PICALM: variants seen among roughly 807,000 people sequenced by gnomAD.
PICALM encodes phosphatidylinositol-binding clathrin assembly protein.
Under a neutral mutation model 80.5 loss-of-function variants are expected in PICALM, and 40 were observed. The ratio of observed to expected loss-of-function variants is 0.50; its 90% CI spans 0.39 to 0.65. The LOEUF (loss-of-function observed/expected upper bound fraction) is 0.65, where lower values mean the gene tolerates loss of function less well. PICALM is among the 30% of genes least tolerant of loss of function. The probability of loss-of-function intolerance (pLI) is 0.00; values close to 1 mark genes in which losing one functional copy is unlikely to be tolerated. For synonymous variants in PICALM, 288 were observed against 260.3 expected, an observed-to-expected ratio of 1.11 and a Z score of -1.02; for missense variants, 676 against 778.9, an observed-to-expected ratio of 0.87 and a Z score of 1.57.
intron 19 of PICALM, among the ~76,000 whole-genome samples, chr11:85,961,426 T>C (rs1308668482): frequency 6.6e-6 from 1 of 152,232 alleles, no homozygotes; most frequent in Non-Finnish European, 1.5e-5. Flanking sequence ...CTTAAGATCT[T>C]TGATTCTGCT....
chr11:86,023,316 T>C (rs1188040799), intron 3 of PICALM: 2 of 306,496 alleles, frequency 6.5e-6, no homozygotes, highest in African/African-American at 2.3e-5. Flanking sequence ...ACCAGTTCAT[T>C]TATTTAGCAA....
At chr11:85,977,732 A>G (rs1207168897) in intron 17 of PICALM, among the ~76,000 whole-genome samples, 2 of 152,252 alleles carry the variant, frequency 1.3e-5, no homozygotes. Context: ...GTAAGATTTC[A>G]TGCAGTTGTT....
At chr11:86,026,183 A>G (rs1030557523) in intron 3 of PICALM, 109 bp downstream of exon 3, 35 of 642,234 alleles carry the variant, frequency 5.4e-5, no homozygotes, top group Non-Finnish European at 9.2e-5. Context: ...CTTCACTAAA[A>G]TATAAGGTTT....
At chr11:86,021,428 G>A (rs571999242) in intron 4 of PICALM, among the ~76,000 whole-genome samples, 3 of 150,524 alleles carry the variant, frequency 2.0e-5, no homozygotes, top group Admixed American at 2.0e-4. Context: ...AATATCATTA[G>A]CCATCAGGGA....
chr11:86,023,681 T>G (rs762916517), intron 3 of PICALM: 2 of 456,932 alleles, frequency 4.4e-6, no homozygotes, highest in Middle Eastern at 1.1e-3. Flanking sequence ...AGAGCACTGC[T>G]CTGCATCTTG....
chr11:86,047,617 C>T (rs2096096990), intron 1 of PICALM, among the ~76,000 whole-genome samples: 2 of 152,154 alleles, frequency 1.3e-5, no homozygotes, highest in African/African-American at 2.4e-5. Flanking sequence ...GATGTAATTA[C>T]TATCAATTCT....
rs2095550228 is a variant in PICALM at position 86,020,738 on chromosome 11, T to C, written c.452+1629A>G. 2.6e-5 allele frequency among the ~76,000 whole-genome samples: 4 copies of C among 152,074 alleles called. No homozygotes were observed. In the South Asian group the frequency reaches 8.3e-4, roughly 32 times the overall value. ...ACCATATACAAAAGTTAATTCCAAA[T>C]AGATAAGAACCTAACTATATGGGCA... On this transcript the variant is annotated intron_variant, in intron 4 of 19. Transcript: ENST00000393346.
At chr11:86,052,004 G>A (rs1486061209) in intron 1 of PICALM, among the ~76,000 whole-genome samples, 1 of 152,192 alleles carries the variant, frequency 6.6e-6, no homozygotes, top group Non-Finnish European at 1.5e-5. Context: ...TTTCCTTAAA[G>A]GTTAGCTATT....
At chr11:85,977,761 A>G (rs1334613028) in intron 17 of PICALM, among the ~76,000 whole-genome samples, 1 of 152,224 alleles carries the variant, frequency 6.6e-6, no homozygotes, top group Non-Finnish European at 1.5e-5. Flanking sequence ...CATTACCACA[A>G]TCAACATTTC....
At chr11:86,031,035 T>C (rs1031599333) in intron 2 of PICALM, among the ~76,000 whole-genome samples, 3 of 152,184 alleles carry the variant, frequency 2.0e-5, no homozygotes, top group African/African-American at 4.8e-5. Flanking sequence ...GGAAGGTCCC[T>C]TGAGCCCAGG....
intron 8 of PICALM, among the ~76,000 whole-genome samples, chr11:86,005,319 T>A (rs1033343928): frequency 6.6e-6 from 1 of 152,226 alleles, no homozygotes; most frequent in Admixed American, 6.5e-5. Context: ...AATATTAAAC[T>A]ACCAAGTTAT....
intron 12 of PICALM, 49 bp downstream of exon 12, chr11:85,996,777 A>C (rs1196067145): frequency 9.7e-7 from 1 of 1,027,194 alleles, no homozygotes; most frequent in African/African-American, 1.6e-5. Flanking sequence ...CCACAGAATG[A>C]GGAGGAGAGA....
At chr11:86,023,924 G>A (rs1230146243) in intron 3 of PICALM, among the ~76,000 whole-genome samples, 1 of 152,036 alleles carries the variant, frequency 6.6e-6, no homozygotes, top group African/African-American at 2.4e-5. Context: ...AAGAGTTCAA[G>A]ACCAACCTGG....
At chr11:85,980,119 A>G (rs2094397593) in intron 17 of PICALM, among the ~76,000 whole-genome samples, 1 of 152,232 alleles carries the variant, frequency 6.6e-6, no homozygotes, top group South Asian at 2.1e-4. Context: ...TGGTGCTTTC[A>G]AGGCCATTCA....
intron 5 of PICALM, among the ~76,000 whole-genome samples, chr11:86,013,052 A>G (rs1808392261): frequency 6.6e-6 from 1 of 152,244 alleles, no homozygotes; most frequent in South Asian, 2.1e-4. Flanking sequence ...CTGTGGTCCC[A>G]GCACTTTGTG....
intron 13 of PICALM, among the ~76,000 whole-genome samples, chr11:85,988,933 T>C (rs528624352): frequency 6.6e-6 from 1 of 152,258 alleles, no homozygotes; most frequent in South Asian, 2.1e-4. Context: ...TGTCCTCTAA[T>C]GTGTGGTTTT....
rs183481144 is a variant in PICALM at position 86,008,541 on chromosome 11, A to G, written c.766-958T>C. ...AGGCTGAAGCAGGAGAATCGTTTGA[A>G]CCCGGGAGGTAGAGGGTGCAGTGAG... On this transcript the variant is annotated intron_variant, in intron 7 of 19. Coordinates refer to ENST00000393346, the MANE Select transcript of PICALM (RefSeq NM_007166.4). Among the ~76,000 whole-genome samples, 342 of 151,842 alleles carry G rather than the reference A, an allele frequency of 2.3e-3. 4 individuals carry two copies. The highest frequency in any genetic ancestry group is 7.9e-3 in the African/African-American group (327 of 41,386).
intron 17 of PICALM, among the ~76,000 whole-genome samples, chr11:85,977,583 T>C (rs1478147897): frequency 6.6e-6 from 1 of 152,222 alleles, no homozygotes; most frequent in African/African-American, 2.4e-5. Context: ...AAATGAAATA[T>C]AACTTTAAAA....
chr11:85,990,591 T>C (rs1199757718), intron 12 of PICALM, among the ~76,000 whole-genome samples, 192 bp from the exon 13 acceptor site: 1 of 152,180 alleles, frequency 6.6e-6, no homozygotes, highest in Non-Finnish European at 1.5e-5. Context: ...TATTTTTAAG[T>C]GAATCCTTAG....
Sources: allele counts gnomAD v4.1 joint callset (sites outside exome capture counted in the v4.1 genomes callset), GRCh38; gene constraint gnomAD v4.1.1; transcripts MANE v1.5; gene names NCBI Gene and HGNC (gene_info 2026-07-23, HGNC 2026-07-21).